The following TRDN variants were observed in gnomAD, a reference collection of about 807,000 sequenced individuals.
TRDN encodes the protein triadin in skeletal muscle.
In TRDN, 161 loss-of-function variants were observed where a neutral mutation model predicts 149.7. The ratio of observed to expected loss-of-function variants is 1.08; its 90% CI spans 0.95 to 1.23. TRDN has a LOEUF of 1.23. Ranked by LOEUF, TRDN falls within the 50% of genes most tolerant of loss-of-function variation. The pLI is 0.00. For missense variants in TRDN, 896 were observed against 823.5 expected (o/e 1.09, Z -1.08); for synonymous variants, 294 against 250.5 (o/e 1.17, Z -1.64).
intron 19 of TRDN, among the ~76,000 whole-genome samples, chr6:123,367,717 G>A (rs189577299): frequency 6.6e-6 from 1 of 152,274 alleles, no homozygotes; most frequent in East Asian, 1.9e-4. Flanking sequence ...GATGCTGAGC[G>A]CAAAAGGTCT....
chr6:123,248,119 A>AAATAAAATTAAACAAAAGATC, intron 38 of TRDN, among the ~76,000 whole-genome samples: 1 of 152,200 alleles, frequency 6.6e-6, no homozygotes, highest in East Asian at 1.9e-4. Flanking sequence ...TTAAAGACTG[A>AAATAAAATTAAACAAAAGATC]AATAAAATTA....
intron 14 of TRDN, among the ~76,000 whole-genome samples, chr6:123,388,076 T>TTTTC: frequency 7.2e-6 from 1 of 138,296 alleles, no homozygotes; most frequent in Non-Finnish European, 1.6e-5. Flanking sequence ...CCAGAAAAAA[T>TTTTC]AGAACAAAAA....
intron 20 of TRDN, among the ~76,000 whole-genome samples, chr6:123,356,478 C>T (rs1453322336): frequency 7.3e-5 from 10 of 136,792 alleles, no homozygotes; most frequent in Non-Finnish European, 1.1e-4. Context: ...TTGTTTAGAC[C>T]TATGCCTCTA....
rs562960721 is a variant in TRDN at position 123,433,734 on chromosome 6, G to A, written c.1051+4329C>T. On this transcript the variant is annotated intron_variant, in intron 12 of 40. Transcript: ENST00000334268. Reference sequence around the variant, plus strand: ...TCAAAATTATTTTCACAGTTAATAAGTTTATAAACATATAAGATGATGACA... The same window carrying A: ...TCAAAATTATTTTCACAGTTAATAAATTTATAAACATATAAGATGATGACA... 1.1e-4 allele frequency among the ~76,000 whole-genome samples: 16 copies of A among 152,072 alleles called. No homozygotes were observed. The East Asian group carries it at 3.1e-3, about 29-fold the overall frequency.
chr6:123,470,000 T>C (rs901682833), intron 9 of TRDN: 1 of 152,200 alleles, frequency 6.6e-6, no homozygotes. Flanking sequence ...AAGGTTCATC[T>C]TTAATATTAG....
At chr6:123,421,606 T>C (rs893029569) in intron 12 of TRDN, 1 of 152,062 alleles carries the variant, frequency 6.6e-6, no homozygotes. Context: ...ATAGAAGTAA[T>C]TATATACAGA....
chr6:123,582,073 G>A (rs185335334), intron 1 of TRDN, among the ~76,000 whole-genome samples: 1 of 152,148 alleles, frequency 6.6e-6, no homozygotes, highest in African/African-American at 2.4e-5. Flanking sequence ...GTTACAGCTT[G>A]ATTTTACACA....
At chr6:123,503,616 T>G in intron 8 of TRDN, 103 bp downstream of exon 8, 2 of 1,546,266 alleles carry the variant, frequency 1.3e-6, no homozygotes, top group South Asian at 1.2e-5. Context: ...TACCCCCATT[T>G]GAAGTCTGAT....
At chr6:123,374,957 T>A (rs190876155) in intron 19 of TRDN, among the ~76,000 whole-genome samples, 1 of 152,288 alleles carries the variant, frequency 6.6e-6, no homozygotes, top group East Asian at 1.9e-4. Context: ...ATACAAAGCT[T>A]ATGTATTTCT....
chr6:123,556,593 C>T, intron 2 of TRDN, among the ~76,000 whole-genome samples: 1 of 149,746 alleles, frequency 6.7e-6, no homozygotes, highest in Non-Finnish European at 1.5e-5. Context: ...TCTTTCTCTT[C>T]TTCCTCCTCC....
chr6:123,444,753 C>T (rs1389903332), intron 10 of TRDN, among the ~76,000 whole-genome samples: 1 of 152,072 alleles, frequency 6.6e-6, no homozygotes, highest in East Asian at 1.9e-4. Flanking sequence ...TTGTCAAAGG[C>T]CTTTTCTGCA....
chr6:123,593,077 A>C (rs1783865456), intron 1 of TRDN, among the ~76,000 whole-genome samples: 1 of 152,198 alleles, frequency 6.6e-6, no homozygotes, highest in African/African-American at 2.4e-5. Flanking sequence ...TCTTCTTTCA[A>C]ATACTCTACA....
intron 24 of TRDN, among the ~76,000 whole-genome samples, chr6:123,311,838 C>T (rs141163238): frequency 6.6e-6 from 1 of 152,014 alleles, no homozygotes; most frequent in East Asian, 1.9e-4. Flanking sequence ...TTGTGCATGA[C>T]TTCACAGGAT....
At chr6:123,352,887 A>AG in intron 20 of TRDN, among the ~76,000 whole-genome samples, 1 of 152,042 alleles carries the variant, frequency 6.6e-6, no homozygotes, top group South Asian at 2.1e-4. Flanking sequence ...GACTATGATT[A>AG]ATCTACTTGC....
At chr6:123,388,367 G>A (rs1351011208) in intron 14 of TRDN, among the ~76,000 whole-genome samples, 155 bp downstream of exon 14, 2 of 152,198 alleles carry the variant, frequency 1.3e-5, no homozygotes, top group East Asian at 3.9e-4. Context: ...TTCTGTGTGA[G>A]GTGAAGTAGA....
intron 37 of TRDN, among the ~76,000 whole-genome samples, chr6:123,254,649 A>G (rs1361615560): frequency 6.6e-6 from 1 of 151,914 alleles, no homozygotes; most frequent in Non-Finnish European, 1.5e-5. Context: ...GCATTTGCCT[A>G]TTTTGTGTCT....
Position 123,349,725 on chromosome 6 carries a change from C to T in TRDN, c.1369+2814G>A, listed in dbSNP as rs1780385275. ...TAAAGTTTTCTCAGGGAAATCATTA[C>T]TCTTAGATATTATTAGCATTCACTT... On this transcript the variant is annotated intron_variant, in intron 21 of 40. Coordinates refer to ENST00000334268, the MANE Select transcript of TRDN (RefSeq NM_006073.4). 7 of 981,886 alleles carry T rather than the reference C, an allele frequency of 7.1e-6. No individual in the cohort carries two copies. In the South Asian group the frequency reaches 2.8e-4, roughly 40 times the overall value. 60.8% of individuals were successfully genotyped at this position (981,886 alleles called of 1,614,324 possible).
chr6:123,511,154 T>C (rs1779165824), intron 7 of TRDN, among the ~76,000 whole-genome samples: 1 of 152,216 alleles, frequency 6.6e-6, no homozygotes, highest in South Asian at 2.1e-4. Context: ...ATTTGATTTT[T>C]GTATATGGTG....
chr6:123,280,752 T>A (rs1231977257), intron 24 of TRDN, among the ~76,000 whole-genome samples: 1 of 151,880 alleles, frequency 6.6e-6, no homozygotes, highest in African/African-American at 2.4e-5. Flanking sequence ...ACTCCTTTTA[T>A]GTGCTAATAC....
Sources: gnomAD v4.1 joint callset for allele counts (sites outside exome capture counted in the v4.1 genomes callset) on GRCh38, gnomAD v4.1.1 for gene constraint, MANE v1.5 for transcripts, NCBI Gene and HGNC (gene_info 2026-07-23, HGNC 2026-07-21) for gene names.